PLCE1: variants seen among roughly 807,000 people sequenced by gnomAD.
The protein encoded by PLCE1 is phospholipase C epsilon 1, also known as 1-phosphatidylinositol 4,5-bisphosphate phosphodiesterase epsilon-1.
Under a neutral mutation model 242.8 loss-of-function variants are expected in PLCE1, and 119 were observed. The observed-to-expected ratio is 0.49, with a 90% CI of 0.42 to 0.57. PLCE1 has a LOEUF of 0.57. PLCE1 is among the 20% of genes least tolerant of loss of function. The probability of loss-of-function intolerance (pLI) is 0.00; values close to 1 mark genes in which losing one functional copy is unlikely to be tolerated. For missense variants in PLCE1, 2,441 were observed against 2,788.8 expected (o/e 0.88, Z 2.81); for synonymous variants, 945 against 1,017.4 (o/e 0.93, Z 1.35).
chr10:94,035,776 T>G (rs147717712), intron 2 of PLCE1, among the ~76,000 whole-genome samples: 87 of 152,282 alleles, frequency 5.7e-4, no homozygotes, highest in African/African-American at 2.0e-3. Context: ...CTGGTAGAAA[T>G]TCTCAAAAGT....
At chr10:94,259,931 A>G (rs2051238817) in intron 13 of PLCE1, among the ~76,000 whole-genome samples, 1 of 152,146 alleles carries the variant, frequency 6.6e-6, no homozygotes. Context: ...TCCCCTTTAT[A>G]AAACCATCAG....
chr10:94,015,256 T>C (rs1299698340), intron 1 of PLCE1, among the ~76,000 whole-genome samples: 1 of 152,114 alleles, frequency 6.6e-6, no homozygotes, highest in African/African-American at 2.4e-5. Context: ...ATGGGTAAAA[T>C]GAATCAAATT....
At chr10:94,325,142 A>T (rs963356089) in intron 32 of PLCE1, 38 bp downstream of exon 32, 9 of 1,370,784 alleles carry the variant, frequency 6.6e-6, no homozygotes, top group Non-Finnish European at 9.4e-6. Context: ...AACAGGGCTT[A>T]ACTTAAACTA....
At chr10:94,212,033 G>A (rs1003437845) in intron 4 of PLCE1, among the ~76,000 whole-genome samples, 10 of 152,050 alleles carry the variant, frequency 6.6e-5, no homozygotes, top group East Asian at 1.9e-4. Flanking sequence ...AAGGTTTATC[G>A]TGCATATTAG....
Position 94,196,008 on chromosome 10 carries a change from A to AC in PLCE1, c.1809+24513dup, listed in dbSNP as rs1467865004. On this transcript the variant is annotated intron_variant, in intron 4 of 32. Transcript: ENST00000371380. The stretch of plus-strand genomic sequence containing the variant: ...AACTCTCAGAGTTTGAATCCCAGCC[A>AC]CATTGTTTATATGATCTACAAGTTA... 9.8e-5 allele frequency among the ~76,000 whole-genome samples: 15 copies of AC among 152,308 alleles called. No homozygotes were observed. In the East Asian group the frequency reaches 2.5e-3, roughly 25 times the overall value.
At chr10:94,271,292 T>C (rs954834695) in intron 18 of PLCE1, among the ~76,000 whole-genome samples, 30 of 147,742 alleles carry the variant, frequency 2.0e-4, no homozygotes, top group African/African-American at 6.8e-4. Flanking sequence ...TCAAATCTTA[T>C]AGGAGAAGAT....
intron 2 of PLCE1, among the ~76,000 whole-genome samples, chr10:94,114,816 G>A (rs1257460950): frequency 2.0e-5 from 3 of 150,802 alleles, no homozygotes; most frequent in Admixed American, 6.6e-5. Flanking sequence ...TGTGCACAAC[G>A]TGCAGATTTG....
chr10:94,001,206 T>A (rs1198050877), intron 1 of PLCE1, among the ~76,000 whole-genome samples: 1 of 152,184 alleles, frequency 6.6e-6, no homozygotes, highest in South Asian at 2.1e-4. Flanking sequence ...ACAGGGCTGT[T>A]AGTCAAACAG....
chr10:94,234,658 A>G (rs2050257198), intron 6 of PLCE1, among the ~76,000 whole-genome samples: 1 of 152,210 alleles, frequency 6.6e-6, no homozygotes, highest in Admixed American at 6.5e-5. Flanking sequence ...AATTGAGAGT[A>G]TTAAGTTTTC....
At chr10:94,117,058 A>G (rs1234635625) in intron 2 of PLCE1, among the ~76,000 whole-genome samples, 1 of 152,174 alleles carries the variant, frequency 6.6e-6, no homozygotes, top group African/African-American at 2.4e-5. Context: ...GTCATCTGAT[A>G]TGGTCATCCC....
intron 4 of PLCE1, among the ~76,000 whole-genome samples, chr10:94,178,092 C>A (rs539262728): frequency 1.3e-5 from 2 of 152,270 alleles, no homozygotes; most frequent in African/African-American, 2.4e-5. Flanking sequence ...TCCTTGGGAT[C>A]GATCACACAA....
intron 2 of PLCE1, among the ~76,000 whole-genome samples, chr10:94,084,409 G>T (rs1432647062): frequency 6.6e-6 from 1 of 152,126 alleles, no homozygotes; most frequent in Non-Finnish European, 1.5e-5. Context: ...TGGAAGCTGA[G>T]TCTGGTCCTC....
At chr10:94,282,743 C>T (rs1589470519) in intron 20 of PLCE1, among the ~76,000 whole-genome samples, 1 of 152,026 alleles carries the variant, frequency 6.6e-6, no homozygotes, top group South Asian at 2.1e-4. Flanking sequence ...TGGTGTTTGT[C>T]TTAATTTTCT....
At chr10:94,268,852 G>T in intron 16 of PLCE1, 77 bp from the exon 17 acceptor site, 1 of 810,978 alleles carries the variant, frequency 1.2e-6, no homozygotes. Context: ...CTGATATGTA[G>T]AACTACATGC....
intron 11 of PLCE1, among the ~76,000 whole-genome samples, chr10:94,255,380 G>C (rs1362682105): frequency 6.6e-6 from 1 of 152,138 alleles, no homozygotes; most frequent in Non-Finnish European, 1.5e-5. Context: ...TTAAAATTCA[G>C]TTCCTCAGTC....
At chr10:94,051,923 T>C (rs2043776237) in intron 2 of PLCE1, among the ~76,000 whole-genome samples, 1 of 152,254 alleles carries the variant, frequency 6.6e-6, no homozygotes, top group Non-Finnish European at 1.5e-5. Flanking sequence ...ACTTTTAAAG[T>C]GACCTCTTCT....
intron 7 of PLCE1, among the ~76,000 whole-genome samples, chr10:94,238,149 G>A (rs908154359): frequency 4.6e-5 from 7 of 152,194 alleles, no homozygotes; most frequent in Non-Finnish European, 8.8e-5. Context: ...TGCTGGGCCC[G>A]GTGGCTTATG....
At chr10:94,277,538 C>T (rs896168130) in intron 19 of PLCE1, among the ~76,000 whole-genome samples, 2 of 152,132 alleles carry the variant, frequency 1.3e-5, no homozygotes, top group Admixed American at 1.3e-4. Flanking sequence ...CACTGCTATT[C>T]GTGGTTCTTT....
chr10:94,150,294 A>T (rs1345167130), intron 3 of PLCE1, among the ~76,000 whole-genome samples: 1 of 152,226 alleles, frequency 6.6e-6, no homozygotes, highest in Non-Finnish European at 1.5e-5. Flanking sequence ...GGCTAAGTTG[A>T]TGCCCCTACA....
Sources: gnomAD v4.1 joint callset for allele counts (sites outside exome capture counted in the v4.1 genomes callset) on GRCh38, gnomAD v4.1.1 for gene constraint, MANE v1.5 for transcripts, NCBI Gene and HGNC (gene_info 2026-07-23, HGNC 2026-07-21) for gene names.